Variants in CD44 observed in about 807,000 individuals in gnomAD.
CD44 encodes the protein CD44 antigen.
Under a neutral mutation model 88.8 loss-of-function variants are expected in CD44, and 49 were observed. That is an observed-to-expected ratio of 0.55 (90% CI 0.44 to 0.70). CD44 has a LOEUF of 0.70. Ranked by LOEUF, CD44 falls within the 30% of genes least tolerant of loss-of-function variation. CD44 has a pLI of 0.00. For synonymous variants in CD44, 325 were observed against 312.3 expected, an observed-to-expected ratio of 1.04 and a Z score of -0.43; for missense variants, 883 against 913.8, an observed-to-expected ratio of 0.97 and a Z score of 0.43.
At chr11:35,142,679 A>T (rs973921993) in intron 1 of CD44, among the ~76,000 whole-genome samples, 4 of 152,234 alleles carry the variant, frequency 2.6e-5, no homozygotes, top group African/African-American at 9.6e-5. Context: ...CACATTGGAC[A>T]TCTACTTGCT....
intron 2 of CD44, among the ~76,000 whole-genome samples, chr11:35,179,840 G>A (rs974010760): frequency 6.6e-6 from 1 of 152,120 alleles, no homozygotes; most frequent in Non-Finnish European, 1.5e-5. Flanking sequence ...AAATAAAGAA[G>A]CACCCCTTCC....
chr11:35,206,108 A>G lies in CD44; in HGVS notation c.1283-4A>G, dbSNP rs775806311. 1.9e-5 allele frequency: 31 copies of G among 1,602,796 alleles called. No homozygotes were observed. In the East Asian group the frequency reaches 7.0e-4, roughly 36 times the overall value. ...TGACAATTGCTCAAACTGCATGGTC[A>G]CAGCAGCCTCAGCTCATACCAGCCA... On this transcript the variant is annotated splice_region_variant and splice_polypyrimidine_tract_variant and intron_variant, in intron 10 of 17. Coordinates refer to ENST00000428726, the MANE Select transcript of CD44 (RefSeq NM_000610.4).
chr11:35,229,175 G>A lies in CD44; in HGVS notation c.2071G>A (p.Val691Met), dbSNP rs140410753. The A allele has an allele frequency of 4.1e-5, 66 of 1,613,994 alleles. No homozygotes were observed. The highest frequency in any genetic ancestry group is 5.4e-5 in the Non-Finnish European group (64 of 1,179,972). ...KLVINSGNGA[V>M]EDRKPSGLNG... ...AGTGATCAACAGTGGCAATGGAGCT[G>A]TGGAGGACAGAAAGCCAAGTGGACT... The change falls in exon 18 of 18, where the codon GTG becomes ATG. Residue 691 changes from valine to methionine, a missense_variant. This residue lies in a region of CD44 where 631 missense variants were observed against 590.9 expected (regional missense o/e 1.07). Transcript: ENST00000428726.
chr11:35,181,929 T>TA (rs1945133958), intron 3 of CD44, among the ~76,000 whole-genome samples: 1 of 51,636 alleles, frequency 1.9e-5, no homozygotes, highest in South Asian at 4.4e-4. Context: ...TATTATATTA[T>TA]ATATAAATTA....
intron 7 of CD44, 171 bp downstream of exon 7, chr11:35,198,417 G>C (rs1946970711): frequency 3.6e-6 from 2 of 548,998 alleles, no homozygotes; most frequent in Non-Finnish European, 6.1e-6. Context: ...AGAATGTTTT[G>C]AGAAGTGGGG....
rs545877593 is a variant in CD44 at position 35,223,712 on chromosome 11, C to G, written c.2024+1980C>G. On this transcript the variant is annotated intron_variant, in intron 17 of 17. Transcript: ENST00000428726. ...TATGTCCTGATTTGATAATTGAAAACAGATTTGCCACGCAGCTAAAAGGTG... is the reference window on the plus strand; with the variant it reads ...TATGTCCTGATTTGATAATTGAAAAGAGATTTGCCACGCAGCTAAAAGGTG... Among the ~76,000 whole-genome samples the G allele has an allele frequency of 3.0e-4, 46 of 152,292 alleles. 1 individual carries two copies. Among genetic ancestry groups the G allele is most frequent in the Middle Eastern group, 3.4e-3 (1 of 294 alleles).
At chr11:35,200,364 G>A (rs1040780692) in intron 7 of CD44, among the ~76,000 whole-genome samples, 13 of 152,138 alleles carry the variant, frequency 8.5e-5, no homozygotes, top group Admixed American at 8.5e-4. Context: ...GCTGGTGGAT[G>A]TACGCCTCTT....
intron 5 of CD44, 152 bp from the exon 6 acceptor site, chr11:35,196,594 G>A (rs1023286864): frequency 8.0e-6 from 6 of 749,064 alleles, no homozygotes; most frequent in Non-Finnish European, 1.0e-5. Context: ...TGAAAAAAAT[G>A]GAACTTTTTT....
Position 35,214,851 on chromosome 11 carries a change from G to A in CD44, c.1811-1G>A. 2 of 1,536,948 alleles carry A rather than the reference G, an allele frequency of 1.3e-6. No homozygotes were observed. Among genetic ancestry groups the A allele is most frequent in the African/African-American group, 1.4e-5 (1 of 71,988 alleles). On this transcript the variant is annotated splice_acceptor_variant, in intron 14 of 17. Transcript: ENST00000428726. LOFTEE classifies it high-confidence loss of function. ...CTGACCTTCCTGATTGCTCATTACA[G>A]GAGACCAAGACACATTCCACCCCAG... is the stretch of plus-strand genomic sequence containing the variant.
Position 35,229,320 on chromosome 11 carries a change from A to C in CD44, c.2216A>C (p.Lys739Thr). 6.2e-7 allele frequency: 1 copy of C among 1,610,904 alleles called. No homozygotes were observed. Among genetic ancestry groups the C allele is most frequent in the Non-Finnish European group, 8.5e-7 (1 of 1,177,230 alleles). ...ETRNLQNVDM[K>T]IGV ...AGGAACCTGCAGAATGTGGACATGA[A>C]GATTGGGGTGTAACACCTACACCAT... The change falls in exon 18 of 18, where the codon AAG (lysine) becomes ACG (threonine). Residue 739 changes from lysine to threonine, a missense_variant. By Grantham distance (78) the Lys-to-Thr change is moderately conservative (BLOSUM62 -1). Transcript: ENST00000428726.
intron 4 of CD44, among the ~76,000 whole-genome samples, chr11:35,187,197 C>A (rs936524600): frequency 1.3e-5 from 2 of 152,024 alleles, no homozygotes; most frequent in African/African-American, 2.4e-5. Context: ...TTGCTTGAAC[C>A]CAGGAGGCAG....
At chr11:35,203,197 A>G (rs1947474963) in intron 9 of CD44, among the ~76,000 whole-genome samples, 1 of 152,222 alleles carries the variant, frequency 6.6e-6, no homozygotes, top group Admixed American at 6.5e-5. Context: ...CATCTTTTAC[A>G]ATAGAAATCA....
In CD44 at chr11:35,176,564, T is replaced by C. The variant is rs1303203137; in HGVS notation, c.68-11T>C. 1.2e-6 allele frequency: 2 copies of C among 1,603,986 alleles called. No individual in the cohort carries two copies. Among genetic ancestry groups the C allele is most frequent in the Admixed American group, 1.7e-5 (1 of 57,726 alleles). Reference sequence around the variant, plus strand: ...TGCAAAAGAATCTAACATTTCTATTTCTTCCCATAGATTTGAATATAACCT... The same window carrying C: ...TGCAAAAGAATCTAACATTTCTATTCCTTCCCATAGATTTGAATATAACCT... On this transcript the variant is annotated splice_polypyrimidine_tract_variant and intron_variant, in intron 1 of 17. Coordinates refer to ENST00000428726, the MANE Select transcript of CD44 (RefSeq NM_000610.4).
chr11:35,210,276 C>T, intron 13 of CD44: 1 of 347,222 alleles, frequency 2.9e-6, no homozygotes, highest in East Asian at 4.7e-5. Context: ...AGTTGGGTTT[C>T]TTTCACTCTA....
At chr11:35,176,254 G>C (rs1033051512) in intron 1 of CD44, among the ~76,000 whole-genome samples, 1 of 152,092 alleles carries the variant, frequency 6.6e-6, no homozygotes, top group Non-Finnish European at 1.5e-5. Context: ...GTGTTAGCCA[G>C]GATGGTCTCG....
intron 5 of CD44, 49 bp downstream of exon 5, chr11:35,190,114 A>C (rs1011318940): frequency 7.3e-6 from 11 of 1,500,574 alleles, no homozygotes; most frequent in Non-Finnish European, 8.4e-6. Flanking sequence ...CCCTGGCAAA[A>C]TGTCTCTGAC....
chr11:35,201,568 T>A, intron 8 of CD44, 103 bp from the exon 9 acceptor site: 1 of 1,434,898 alleles, frequency 7.0e-7, no homozygotes, highest in Non-Finnish European at 9.6e-7. Flanking sequence ...GAGGTAACAC[T>A]TTGGCATAGA....
At chr11:35,191,895 A>G (rs1946308770) in intron 5 of CD44, among the ~76,000 whole-genome samples, 1 of 152,242 alleles carries the variant, frequency 6.6e-6, no homozygotes, top group Non-Finnish European at 1.5e-5. Context: ...GGATCGAAGG[A>G]TAAACATAGT....
intron 17 of CD44, 73 bp from the exon 18 acceptor site, chr11:35,229,056 C>G: frequency 8.4e-7 from 1 of 1,193,356 alleles, no homozygotes; most frequent in Non-Finnish European, 1.2e-6. Context: ...AATGATGGTG[C>G]TCAGTAAGGA....
Sources: allele counts gnomAD v4.1 joint callset (sites outside exome capture counted in the v4.1 genomes callset), GRCh38; gene constraint gnomAD v4.1.1; regional missense constraint gnomAD v4.1.1; transcripts MANE v1.5; gene names NCBI Gene and HGNC (gene_info 2026-07-23, HGNC 2026-07-21).